Variants in WTIP observed in about 807,000 individuals in gnomAD.
WTIP encodes WT1 interacting protein.
In WTIP, 23 loss-of-function variants were observed where a neutral mutation model predicts 41.7. The observed-to-expected ratio is 0.55, with a 90% confidence interval of 0.40 to 0.78. WTIP has a LOEUF of 0.78. Among genes scored for constraint, WTIP ranks in the 30% least tolerant of loss-of-function variants. WTIP has a pLI of 0.00. For synonymous variants in WTIP, 314 were observed against 269.9 expected (o/e 1.16, Z -1.60); for missense variants, 619 against 610.5 (o/e 1.01, Z -0.15).
Position 34,493,385 on chromosome 19 carries a change from AC to A in WTIP, c.900+62del. On this transcript the variant is annotated intron_variant, in intron 4 of 7. Coordinates refer to ENST00000590071, the MANE Select transcript of WTIP (RefSeq NM_001080436.2). The surrounding 1 kb of genome is among the most constrained non-coding windows in gnomAD (Gnocchi z 4.1). Reference sequence around the variant, plus strand: ...GACGTGGGTGGAGTCTGAGGACTCTACCGTCTCCCCTGCTCCAGACCTGCCA... The same window carrying A: ...GACGTGGGTGGAGTCTGAGGACTCTACGTCTCCCCTGCTCCAGACCTGCCA... 3.1e-6 allele frequency: 5 copies of A among 1,594,126 alleles called. No individual in the cohort carries two copies. The highest frequency in any genetic ancestry group is 4.3e-6 in the Non-Finnish European group (5 of 1,171,136).
chr19:34,489,644 TA>T (rs1270599018), intron 1 of WTIP, among the ~76,000 whole-genome samples: 1 of 152,164 alleles, frequency 6.6e-6, no homozygotes, highest in Non-Finnish European at 1.5e-5. Flanking sequence ...TGTCTTGGTA[TA>T]AAGATACCAT....
At chr19:34,488,563 C>T (rs1437015977) in intron 1 of WTIP, among the ~76,000 whole-genome samples, 3 of 151,590 alleles carry the variant, frequency 2.0e-5, no homozygotes, top group Non-Finnish European at 1.5e-5. Context: ...ATGAGGGTCT[C>T]GCTGTGTTTC....
At position 34,505,997 on chromosome 19, in the gene WTIP, C is replaced by T. The variant is rs2075909631; in HGVS notation, c.*5728C>T. On this transcript the variant is annotated 3_prime_UTR_variant, in exon 8 of 8. Transcript: ENST00000590071. The stretch of plus-strand genomic sequence containing the variant: ...TGAGCTGCGTGGATCTCAGCCAGGA[C>T]TTCTCGTCCCTGAGAACAGATTGGG... 6.6e-6 allele frequency: 1 copy of T among 152,306 alleles called. No homozygotes were observed. Among genetic ancestry groups the T allele is most frequent in the Admixed American group, 6.5e-5 (1 of 15,292 alleles). The allele number at this position is 152,306 out of a possible 1,614,324, so 9.4% of individuals were successfully genotyped here. A position where few individuals can be genotyped will look rare whatever the true frequency, so the allele number is the denominator to read the frequency against.
chr19:34,499,239 G>A (rs1599964574), intron 7 of WTIP, among the ~76,000 whole-genome samples: 1 of 150,370 alleles, frequency 6.7e-6, no homozygotes, highest in Non-Finnish European at 1.5e-5. Flanking sequence ...GGCCAGGCAC[G>A]GTGGCTCATG....
In WTIP at chr19:34,482,061, T is replaced by A; in HGVS notation, c.87T>A (p.Ser29=). 2 of 1,033,834 alleles carry A rather than the reference T, an allele frequency of 1.9e-6. No homozygotes were observed. Among genetic ancestry groups the A allele is most frequent in the Non-Finnish European group, 2.3e-6 (2 of 862,890 alleles). 64.0% of individuals were successfully genotyped at this position (1,033,834 alleles called of 1,614,324 possible). A position where few individuals can be genotyped will look rare whatever the true frequency, so the allele number is the denominator to read the frequency against. Reference sequence around the variant, plus strand: ...GGGAGCTGGAGCCCGGGTGCGGCTCTCCCGGTCGGGGGCGGCGGGGGCCGC... The same window carrying A: ...GGGAGCTGGAGCCCGGGTGCGGCTCACCCGGTCGGGGGCGGCGGGGGCCGC... ...ALRELEPGCG[S]PGRGRRGPRP... is the part of the protein sequence containing the mutation. Residue 29 remains serine (S), a synonymous_variant, in exon 1 of 8, where the codon TCT becomes TCA. Coordinates refer to ENST00000590071, the MANE Select transcript of WTIP (RefSeq NM_001080436.2).
chr19:34,490,595 G>A, intron 2 of WTIP, 118 bp downstream of exon 2: 2 of 1,123,146 alleles, frequency 1.8e-6, no homozygotes, highest in East Asian at 2.6e-5. Flanking sequence ...TCTGGCCCAG[G>A]CTGGGCTGTG....
At chr19:34,484,968 G>A (rs1463339923) in intron 1 of WTIP, among the ~76,000 whole-genome samples, 5 of 149,822 alleles carry the variant, frequency 3.3e-5, no homozygotes, top group Non-Finnish European at 3.0e-5. Context: ...TGCTCAGATC[G>A]GGCTGTTGTA....
Position 34,493,123 on chromosome 19 carries a change from C to T in WTIP, c.837+19C>T, listed in dbSNP as rs758989159. 7 of 1,613,802 alleles carry T rather than the reference C, an allele frequency of 4.3e-6. No homozygotes were observed. The highest frequency in any genetic ancestry group is 4.0e-5 in the African/African-American group (3 of 74,926). On this transcript the variant is annotated intron_variant, in intron 3 of 7. Transcript: ENST00000590071. The surrounding 1 kb of genome is among the most constrained non-coding windows in gnomAD (Gnocchi z 4.1). ...CTTCCTGGTGAGTCCAAGCTGTGCCCTGGCAGTGCCAGGGGTGGGAGGTGG... is the reference window on the plus strand; with the variant it reads ...CTTCCTGGTGAGTCCAAGCTGTGCCTTGGCAGTGCCAGGGGTGGGAGGTGG...
chr19:34,494,698 A>T, intron 6 of WTIP, 61 bp downstream of exon 6: 1 of 1,570,082 alleles, frequency 6.4e-7, no homozygotes, highest in Non-Finnish European at 8.7e-7. Context: ...TGTCCTGTCT[A>T]GCCTGGGTCT....
At chr19:34,495,147 G>C (rs1476370301) in intron 6 of WTIP, among the ~76,000 whole-genome samples, 1 of 152,230 alleles carries the variant, frequency 6.6e-6, no homozygotes, top group East Asian at 1.9e-4. Context: ...TGTAATCCCA[G>C]CACTTTGGGA....
At position 34,506,185 on chromosome 19, in the gene WTIP, T is replaced by G. The variant is rs1430593977; in HGVS notation, c.*5916T>G. 6.6e-6 allele frequency: 1 copy of G among 152,210 alleles called. No homozygotes were observed. Among genetic ancestry groups the G allele is most frequent in the Non-Finnish European group, 1.5e-5 (1 of 68,076 alleles). 9.4% of individuals were successfully genotyped at this position (152,210 alleles called of 1,614,324 possible). A position where few individuals can be genotyped will look rare whatever the true frequency, so the allele number is the denominator to read the frequency against. ...CTCACGGAGCCTCTCTCGGAGGTGA[T>G]GAGTGACTTTTCTCTTGCTGCCGTC... On this transcript the variant is annotated 3_prime_UTR_variant, in exon 8 of 8. Transcript: ENST00000590071.
Position 34,503,314 on chromosome 19 carries a change from C to G in WTIP, c.*3045C>G, listed in dbSNP as rs1025831207. The G allele has an allele frequency of 1.1e-4, 14 of 130,734 alleles. No individual in the cohort carries two copies. The highest frequency in any genetic ancestry group is 4.1e-4 in the African/African-American group (14 of 34,314). The allele number at this position is 130,734 out of a possible 1,614,324, so 8.1% of individuals were successfully genotyped here. ...CAGTTCCCTCCGTGGGAGCCACTCT[C>G]CCGGGGTTTCTTCCTCTATGAAGAA... On this transcript the variant is annotated 3_prime_UTR_variant, in exon 8 of 8. Transcript: ENST00000590071.
At chr19:34,487,954 G>T (rs1342912302) in intron 1 of WTIP, among the ~76,000 whole-genome samples, 1 of 152,196 alleles carries the variant, frequency 6.6e-6, no homozygotes, top group Admixed American at 6.5e-5. Flanking sequence ...CCCTGGCGTT[G>T]CTGGTCACCC....
intron 2 of WTIP, among the ~76,000 whole-genome samples, chr19:34,491,577 C>T (rs1427078345): frequency 6.6e-6 from 1 of 152,090 alleles, no homozygotes; most frequent in Non-Finnish European, 1.5e-5. Context: ...CTGCCTTGGC[C>T]TCCCACAGTG....
In WTIP at chr19:34,481,950, C is replaced by G. The variant is rs2075768515; in HGVS notation, c.-25C>G. 2 of 995,244 alleles carry G rather than the reference C, an allele frequency of 2.0e-6. No individual in the cohort carries two copies. The highest frequency in any genetic ancestry group is 2.4e-6 in the Non-Finnish European group (2 of 837,748). The allele number at this position is 995,244 out of a possible 1,614,324, so 61.7% of individuals were successfully genotyped here. On this transcript the variant is annotated 5_prime_UTR_variant, in exon 1 of 8. Coordinates refer to ENST00000590071, the MANE Select transcript of WTIP (RefSeq NM_001080436.2). ...CGGCGGGAAGCGGAGGCGGAGGTGA[C>G]GCGCCAGGGCCGGCGGGCCGGGCCA... is the stretch of plus-strand genomic sequence containing the variant.
At position 34,505,715 on chromosome 19, in the gene WTIP, A is replaced by C. The variant is rs1347554190; in HGVS notation, c.*5446A>C. On this transcript the variant is annotated 3_prime_UTR_variant, in exon 8 of 8. Transcript: ENST00000590071. ...CCTGCCATTGGGACCTGTCACAGGCACACAGGACACAGCTGGCTCACCCTC... is the reference window on the plus strand; with the variant it reads ...CCTGCCATTGGGACCTGTCACAGGCCCACAGGACACAGCTGGCTCACCCTC... 6.6e-6 allele frequency: 1 copy of C among 152,644 alleles called. No individual in the cohort carries two copies. The highest frequency in any genetic ancestry group is 2.4e-5 in the African/African-American group (1 of 41,466). The allele number at this position is 152,644 out of a possible 1,614,324, so 9.5% of individuals were successfully genotyped here.
At position 34,501,592 on chromosome 19, in the gene WTIP, GT is replaced by G; in HGVS notation, c.*1325del. 1 of 152,622 alleles carries G rather than the reference GT, an allele frequency of 6.6e-6. No individual in the cohort carries two copies. Among genetic ancestry groups the G allele is most frequent in the Non-Finnish European group, 1.5e-5 (1 of 68,252 alleles). The allele number at this position is 152,622 out of a possible 1,614,324, so 9.5% of individuals were successfully genotyped here. A position where few individuals can be genotyped will look rare whatever the true frequency, so the allele number is the denominator to read the frequency against. ...CTTCCTCCCCCACCGTCAGGTGTGA[GT>G]TCTGTGAATCACTCGCGGGGCTGGG... On this transcript the variant is annotated 3_prime_UTR_variant, in exon 8 of 8. Transcript: ENST00000590071.
chr19:34,488,736 T>C (rs1047700996), intron 1 of WTIP, among the ~76,000 whole-genome samples: 3 of 151,648 alleles, frequency 2.0e-5, no homozygotes, highest in African/African-American at 7.3e-5. Context: ...GAATACCTGG[T>C]TTAAAAATCA....
At chr19:34,487,789 A>G (rs1184975786) in intron 1 of WTIP, among the ~76,000 whole-genome samples, 1 of 151,214 alleles carries the variant, frequency 6.6e-6, no homozygotes, top group Admixed American at 6.6e-5. Context: ...TTTACGGTCC[A>G]GAGGGCAGGT....
Sources: allele counts gnomAD v4.1 joint callset (sites outside exome capture counted in the v4.1 genomes callset), GRCh38; gene constraint gnomAD v4.1.1; non-coding constraint Gnocchi (gnomAD v3.1); transcripts MANE v1.5; gene names NCBI Gene and HGNC (gene_info 2026-07-23, HGNC 2026-07-21).